Variants in EMB observed in about 807,000 individuals in gnomAD.
EMB encodes the protein embigin homolog.
In EMB, 31 loss-of-function variants were observed where a neutral mutation model predicts 41.4. That is an observed-to-expected ratio of 0.75 (90% CI 0.56 to 1.01). EMB has a LOEUF of 1.01. Among genes scored for constraint, EMB ranks in the 50% least tolerant of loss-of-function variants. EMB has a pLI of 0.00. For synonymous variants in EMB, 137 were observed against 140.4 expected (o/e 0.98, Z 0.17); for missense variants, 379 against 388.3 (o/e 0.98, Z 0.20).
intron 7 of EMB, among the ~76,000 whole-genome samples, chr5:50,400,702 C>A (rs1412071256): frequency 2.0e-5 from 3 of 151,860 alleles, no homozygotes; most frequent in Non-Finnish European, 1.5e-5. Flanking sequence ...AGTGAAATAA[C>A]CTGAAGAAAA....
At chr5:50,405,070 C>T (rs749436207) in intron 5 of EMB, among the ~76,000 whole-genome samples, 6 of 151,818 alleles carry the variant, frequency 4.0e-5, no homozygotes, top group African/African-American at 1.5e-4. Context: ...AATTTTCCTG[C>T]CATTAGAGGC....
intron 2 of EMB, among the ~76,000 whole-genome samples, chr5:50,424,829 T>A (rs1034006554): frequency 5.3e-5 from 8 of 151,868 alleles, no homozygotes; most frequent in Non-Finnish European, 1.2e-4. Context: ...CCAAGAATCA[T>A]CCAGCCCCAA....
intron 4 of EMB, among the ~76,000 whole-genome samples, chr5:50,410,068 C>T (rs944114400): frequency 6.6e-6 from 1 of 152,042 alleles, no homozygotes; most frequent in African/African-American, 2.4e-5. Flanking sequence ...CATTCTGTCA[C>T]AGCAGACAGT....
At chr5:50,437,040 G>T (rs976419668) in intron 1 of EMB, among the ~76,000 whole-genome samples, 1 of 152,198 alleles carries the variant, frequency 6.6e-6, no homozygotes, top group African/African-American at 2.4e-5. Context: ...GGAGGCTGAG[G>T]CAGGAAGATC....
intron 2 of EMB, among the ~76,000 whole-genome samples, chr5:50,416,009 C>T (rs894851831): frequency 2.0e-5 from 3 of 152,158 alleles, no homozygotes; most frequent in African/African-American, 7.2e-5. Flanking sequence ...TCCTCCAAGC[C>T]CTAATCGTTG....
chr5:50,415,299 G>A (rs1745410810), intron 2 of EMB, among the ~76,000 whole-genome samples: 1 of 152,016 alleles, frequency 6.6e-6, no homozygotes, highest in African/African-American at 2.4e-5. Context: ...ACTTTGGTTG[G>A]AGCAATTTAA....
chr5:50,434,725 G>T (rs1303356004), intron 1 of EMB, among the ~76,000 whole-genome samples: 2 of 152,120 alleles, frequency 1.3e-5, no homozygotes, highest in African/African-American at 4.8e-5. Context: ...CCAGGAAAAT[G>T]CTATTTTCAA....
At chr5:50,425,871 A>G (rs1745603370) in intron 2 of EMB, among the ~76,000 whole-genome samples, 1 of 151,986 alleles carries the variant, frequency 6.6e-6, no homozygotes, top group Non-Finnish European at 1.5e-5. Flanking sequence ...TTTGGCAGAG[A>G]CGGGGTTTTG....
At chr5:50,441,557 C>T (rs1453386144), upstream of EMB, among the ~76,000 whole-genome samples, 1 of 152,204 alleles carries the variant, frequency 6.6e-6, no homozygotes, top group East Asian at 1.9e-4. Context: ...TCACCTGAGG[C>T]AGGTTTCACT....
chr5:50,402,377 A>G (rs375934195), intron 6 of EMB, 58 bp from the exon 7 acceptor site: 345 of 1,475,226 alleles, frequency 2.3e-4, no homozygotes, highest in Non-Finnish European at 3.2e-4. Context: ...TATGGAACAT[A>G]TATGCTCAAT....
intron 2 of EMB, among the ~76,000 whole-genome samples, chr5:50,419,385 A>G (rs1745479132): frequency 6.6e-6 from 1 of 152,208 alleles, no homozygotes. Flanking sequence ...AGAAAGGAAC[A>G]GCAAATGACA....
chr5:50,399,571 A>G (rs1745125509), intron 8 of EMB, among the ~76,000 whole-genome samples: 1 of 152,056 alleles, frequency 6.6e-6, no homozygotes, highest in Non-Finnish European at 1.5e-5. Flanking sequence ...AAATAAAGCT[A>G]CATGAAAAAT....
chr5:50,407,001 G>A (rs974997444), intron 4 of EMB, among the ~76,000 whole-genome samples: 3 of 151,954 alleles, frequency 2.0e-5, no homozygotes, highest in Admixed American at 6.6e-5. Flanking sequence ...TGCATTACTA[G>A]GGCAATGACC....
chr5:50,424,961 C>T lies in EMB; in HGVS notation c.196+3183G>A, dbSNP rs1745585810. On this transcript the variant is annotated intron_variant, in intron 2 of 8. Coordinates refer to ENST00000303221, the MANE Select transcript of EMB (RefSeq NM_198449.3). ...TAGATCCCTCTTCCATCTTTACTTT[C>T]TCTGACTCTCTATGAATGTTAGGCC... is the stretch of plus-strand genomic sequence containing the variant. Among the ~76,000 whole-genome samples the T allele has an allele frequency of 3.3e-5, 5 of 152,146 alleles. No homozygotes were observed. In the South Asian group the frequency reaches 1.0e-3, roughly 32 times the overall value.
chr5:50,434,175 C>T (rs935006831), intron 1 of EMB, among the ~76,000 whole-genome samples: 22 of 152,134 alleles, frequency 1.4e-4, no homozygotes, highest in African/African-American at 4.8e-4. Context: ...ATTCACCCAC[C>T]GCATATGTAG....
intron 6 of EMB, among the ~76,000 whole-genome samples, chr5:50,402,913 G>C (rs1165424317): frequency 6.7e-6 from 1 of 149,058 alleles, no homozygotes; most frequent in African/African-American, 2.5e-5. Flanking sequence ...GGGGGTGGTG[G>C]GGGAAGAGAA....
Position 50,441,101 on chromosome 5 carries a change from C to T in EMB, c.51G>A (p.Leu17=). 1 of 1,519,034 alleles carries T rather than the reference C, an allele frequency of 6.6e-7. No individual in the cohort carries two copies. Among genetic ancestry groups the T allele is most frequent in the Non-Finnish European group, 8.8e-7 (1 of 1,137,016 alleles). 94.1% of individuals were successfully genotyped at this position (1,519,034 alleles called of 1,614,324 possible). A position where few individuals can be genotyped will look rare whatever the true frequency, so the allele number is the denominator to read the frequency against. The change falls in exon 1 of 9, where the codon CTG becomes CTA. Residue 17 remains leucine (L), a synonymous_variant. Transcript: ENST00000303221. ...LLEARARTPR[L]LLLQCLLAAA... ...CAGCGAGAAGGCACTGGAGGAGGAG[C>T]AGCCGGGGCGTACGCGCCCTGGCCT...
chr5:50,421,230 C>T (rs1397171824), intron 2 of EMB, among the ~76,000 whole-genome samples: 5 of 151,992 alleles, frequency 3.3e-5, no homozygotes, highest in East Asian at 1.9e-4. Context: ...AAAAAGTGGG[C>T]GAAGGATATG....
At chr5:50,439,771 T>C (rs1387076175) in intron 1 of EMB, among the ~76,000 whole-genome samples, 1 of 152,174 alleles carries the variant, frequency 6.6e-6, no homozygotes, top group Non-Finnish European at 1.5e-5. Context: ...TTCTCTATGG[T>C]GTGTTACAAA....
Sources: allele counts gnomAD v4.1 joint callset (sites outside exome capture counted in the v4.1 genomes callset), GRCh38; gene constraint gnomAD v4.1.1; transcripts MANE v1.5; gene names NCBI Gene and HGNC (gene_info 2026-07-23, HGNC 2026-07-21).